CHD1: variants seen among roughly 807,000 people sequenced by gnomAD.
The protein encoded by CHD1 is chromodomain helicase DNA binding protein 1, also known as ATP-dependent chromatin remodeler CHD1.
Under a neutral mutation model 224.2 loss-of-function variants are expected in CHD1, and 36 were observed. The ratio of observed to expected loss-of-function variants is 0.16; its 90% CI spans 0.12 to 0.21. The LOEUF (loss-of-function observed/expected upper bound fraction) is 0.21. Among genes scored for constraint, CHD1 ranks in the 10% least tolerant of loss-of-function variants. The probability of loss-of-function intolerance (pLI) is 1.00; values close to 1 mark genes in which losing one functional copy is unlikely to be tolerated. For missense variants in CHD1, 1,378 were observed against 1,994.8 expected, an observed-to-expected ratio of 0.69 and a Z score of 5.89; for synonymous variants, 668 against 658.3, an observed-to-expected ratio of 1.01 and a Z score of -0.23.
chr5:98,924,326 C>G (rs1364151141), intron 2 of CHD1, among the ~76,000 whole-genome samples: 1 of 152,108 alleles, frequency 6.6e-6, no homozygotes, highest in African/African-American at 2.4e-5. Flanking sequence ...AGTCAGTAGT[C>G]AACATACCTA....
chr5:98,860,192 C>G, intron 32 of CHD1, 124 bp from the exon 33 acceptor site: 1 of 677,204 alleles, frequency 1.5e-6, no homozygotes, highest in East Asian at 2.9e-5. Flanking sequence ...ATGGAACAAA[C>G]TCTTAAGGAT....
Position 98,860,868 on chromosome 5 carries a change from G to C in CHD1, c.4428-800C>G, listed in dbSNP as rs1237379071. ...CCTTACTGAAATGAAATCCACAGAAGAAGGAAAATTCATCTAGCCTTTATA... is the reference window on the plus strand; with the variant it reads ...CCTTACTGAAATGAAATCCACAGAACAAGGAAAATTCATCTAGCCTTTATA... On this transcript the variant is annotated intron_variant, in intron 32 of 35. Transcript: ENST00000614616. 3.3e-5 allele frequency among the ~76,000 whole-genome samples: 5 copies of C among 152,264 alleles called. No homozygotes were observed. The East Asian group carries it at 9.6e-4, about 29-fold the overall frequency.
chr5:98,878,761 C>G (rs751025787), intron 23 of CHD1, among the ~76,000 whole-genome samples: 5 of 151,890 alleles, frequency 3.3e-5, no homozygotes, highest in Admixed American at 1.3e-4. Flanking sequence ...CTAAAAAAAC[C>G]TGTGGGTCAA....
intron 5 of CHD1, among the ~76,000 whole-genome samples, chr5:98,901,543 A>T (rs527786824): frequency 1.3e-5 from 2 of 152,244 alleles, no homozygotes; most frequent in East Asian, 3.9e-4. Flanking sequence ...TTTGCTAATC[A>T]CTTAGTTATA....
At chr5:98,869,622 GCA>G (rs113502266) in intron 30 of CHD1, 130 bp downstream of exon 30, 33,911 of 700,154 alleles carry the variant, frequency 0.048, 111 homozygotes, top group East Asian at 0.11. Context: ...ACGTGCGCGC[GCA>G]CACACACACA....
At chr5:98,896,132 G>A in intron 12 of CHD1, 94 bp downstream of exon 12, 1 of 1,048,770 alleles carries the variant, frequency 9.5e-7, no homozygotes. Context: ...TCCAGCCTGG[G>A]AGACAGAGTG....
At position 98,854,823 on chromosome 5, in the gene CHD1, C is replaced by T. The variant is rs1236115442; in HGVS notation, c.*1557G>A. The T allele has an allele frequency of 1.3e-5, 2 of 152,158 alleles. No individual in the cohort carries two copies. The highest frequency in any genetic ancestry group is 4.8e-5 in the African/African-American group (2 of 41,446). The allele number at this position is 152,158 out of a possible 1,614,324, so 9.4% of individuals were successfully genotyped here. A position where few individuals can be genotyped will look rare whatever the true frequency, so the allele number is the denominator to read the frequency against. On this transcript the variant is annotated 3_prime_UTR_variant, in exon 36 of 36. Transcript: ENST00000614616. ...ATACTATAGAAATTATGTCCACATA[C>T]TTATATTCGTCAAAGATTCAAATTT...
In CHD1 at chr5:98,879,742, G is replaced by C. The variant is rs750565320; in HGVS notation, c.3061-14C>G. On this transcript the variant is annotated splice_polypyrimidine_tract_variant and intron_variant, in intron 22 of 35. Transcript: ENST00000614616. ...GAAGTTGGCAACCTGATAAATTTCAGAATTTTAAGAGTAACTGTTACAGAA... is the reference window on the plus strand; with the variant it reads ...GAAGTTGGCAACCTGATAAATTTCACAATTTTAAGAGTAACTGTTACAGAA... 2.3e-5 allele frequency: 36 copies of C among 1,548,402 alleles called. No individual in the cohort carries two copies. Among genetic ancestry groups the C allele is most frequent in the Non-Finnish European group, 2.9e-5 (33 of 1,147,226 alleles).
chr5:98,859,732 T>C (rs1289049288), intron 33 of CHD1, among the ~76,000 whole-genome samples: 1 of 152,126 alleles, frequency 6.6e-6, no homozygotes, highest in Non-Finnish European at 1.5e-5. Flanking sequence ...AAGTTATTAT[T>C]TTCCCTTTAT....
chr5:98,897,783 T>C (rs1019627403), intron 10 of CHD1, among the ~76,000 whole-genome samples: 7 of 152,198 alleles, frequency 4.6e-5, no homozygotes, highest in Non-Finnish European at 2.9e-5. Context: ...TCTGGGTAAG[T>C]TACAAGGATG....
intron 26 of CHD1, among the ~76,000 whole-genome samples, 156 bp downstream of exon 26, chr5:98,873,437 T>G (rs1749516129): frequency 6.6e-6 from 1 of 152,182 alleles, no homozygotes; most frequent in Admixed American, 6.5e-5. Flanking sequence ...AATTCTGTTC[T>G]CCATTTCCTA....
chr5:98,858,356 A>T lies in CHD1; in HGVS notation c.4611T>A (p.Asp1537Glu), dbSNP rs762860408. The change falls in exon 35 of 36, where the codon GAT (aspartate) becomes GAA (glutamate). Residue 1537 changes from aspartate to glutamate, a missense_variant. By Grantham distance (45) the Asp-to-Glu change is conservative. This residue lies in a region of CHD1 where 278 missense variants were observed against 298.5 expected (regional missense o/e 0.93). Transcript: ENST00000614616. ...VERLKENTNH[D>E]DSSRDSYSSD... ...AGGAATAACTGTCCCTGCTGCTATCATCGTGATTTGTATTCTCTTTTAATC... is the reference window on the plus strand; with the variant it reads ...AGGAATAACTGTCCCTGCTGCTATCTTCGTGATTTGTATTCTCTTTTAATC... 1.9e-6 allele frequency: 3 copies of T among 1,612,972 alleles called. No homozygotes were observed. Among genetic ancestry groups the T allele is most frequent in the Non-Finnish European group, 2.5e-6 (3 of 1,179,112 alleles).
At chr5:98,889,293 T>C (rs1431015190) in intron 15 of CHD1, 55 bp from the exon 16 acceptor site, 12 of 1,317,522 alleles carry the variant, frequency 9.1e-6, no homozygotes, top group Non-Finnish European at 1.0e-5. Flanking sequence ...CCAGGATAAA[T>C]TCTAAAAGCA....
At chr5:98,886,251 C>T (rs761984879) in intron 17 of CHD1, 1 of 152,186 alleles carries the variant, frequency 6.6e-6, no homozygotes, top group Non-Finnish European at 1.5e-5. Flanking sequence ...GGGTTCTAGT[C>T]AACAGCCAGC....
At chr5:98,888,410 G>A (rs1186624688) in intron 16 of CHD1, among the ~76,000 whole-genome samples, 170 bp from the exon 17 acceptor site, 1 of 152,098 alleles carries the variant, frequency 6.6e-6, no homozygotes, top group Non-Finnish European at 1.5e-5. Context: ...TTCACTCTAT[G>A]ACTGAAGCTA....
chr5:98,866,103 T>C (rs1748842001), intron 31 of CHD1, among the ~76,000 whole-genome samples: 1 of 150,898 alleles, frequency 6.6e-6, no homozygotes. Context: ...CAATACAGAG[T>C]AGGTAAAAAA....
At chr5:98,858,611 G>A (rs2112444893) in intron 34 of CHD1, 1 of 492,570 alleles carries the variant, frequency 2.0e-6, no homozygotes, top group Middle Eastern at 5.4e-4. Context: ...AAAAAATATG[G>A]GACCTATTCC....
chr5:98,879,269 A>T (rs1295783816), intron 23 of CHD1, among the ~76,000 whole-genome samples: 1 of 152,128 alleles, frequency 6.6e-6, no homozygotes, highest in African/African-American at 2.4e-5. Context: ...GAAAACAGCA[A>T]ATTAAATCAA....
chr5:98,856,274 G>T lies in CHD1; in HGVS notation c.*106C>A. ...GGAAAGAAGTAACAATACTGCTACT[G>T]ATAGAAGATCTGTTTATATCTTTCA... On this transcript the variant is annotated 3_prime_UTR_variant, in exon 36 of 36. Coordinates refer to ENST00000614616, the MANE Select transcript of CHD1 (RefSeq NM_001270.4). The T allele has an allele frequency of 2.7e-6, 2 of 750,222 alleles. No homozygotes were observed. The highest frequency in any genetic ancestry group is 4.4e-6 in the Non-Finnish European group (2 of 450,260). 46.5% of individuals were successfully genotyped at this position (750,222 alleles called of 1,614,324 possible).
Sources: gnomAD v4.1 joint callset for allele counts (sites outside exome capture counted in the v4.1 genomes callset) on GRCh38, gnomAD v4.1.1 for gene constraint, gnomAD v4.1.1 regional missense constraint, MANE v1.5 for transcripts, NCBI Gene and HGNC (gene_info 2026-07-23, HGNC 2026-07-21) for gene names.